Variants in MKRN1 observed in about 807,000 individuals in gnomAD.
MKRN1 encodes the protein E3 ubiquitin-protein ligase makorin-1.
In MKRN1, 9 loss-of-function variants were observed where a neutral mutation model predicts 55.5. The observed-to-expected ratio is 0.16, with a 90% confidence interval of 0.10 to 0.28. MKRN1 has a LOEUF of 0.28. MKRN1 is among the 10% of genes least tolerant of loss of function. The probability of loss-of-function intolerance (pLI) is 1.00; values close to 1 mark genes in which losing one functional copy is unlikely to be tolerated. For synonymous variants in MKRN1, 253 were observed against 235.9 expected, an observed-to-expected ratio of 1.07 and a Z score of -0.66; for missense variants, 488 against 626.7, an observed-to-expected ratio of 0.78 and a Z score of 2.36.
chr7:140,456,243 G>T, intron 5 of MKRN1: 1 of 1,146,592 alleles, frequency 8.7e-7, no homozygotes, highest in Non-Finnish European at 1.1e-6. Flanking sequence ...TAGATTATGT[G>T]GTTTTTGTTC....
rs1367179943 is a variant in MKRN1 at position 140,456,735 on chromosome 7, G to A, written c.903C>T (p.Ile301=). ...KANPSERRFG[I]LSNCNHTYCL... ...AGTAGGTGTGGTTGCAGTTGGAGAGGATCCCGAAGCGGCGCTCACTGGGGT... is the reference window on the plus strand; with the variant it reads ...AGTAGGTGTGGTTGCAGTTGGAGAGAATCCCGAAGCGGCGCTCACTGGGGT... Residue 301 remains isoleucine, a synonymous_variant, in exon 5 of 8, where the codon ATC becomes ATT. Coordinates refer to ENST00000255977, the MANE Select transcript of MKRN1 (RefSeq NM_013446.4). 6.2e-7 allele frequency: 1 copy of A among 1,613,968 alleles called. No homozygotes were observed. The highest frequency in any genetic ancestry group is 8.5e-7 in the Non-Finnish European group (1 of 1,179,992).
chr7:140,474,333 TAAA>T (rs1293849055), intron 1 of MKRN1: 3 of 209,584 alleles, frequency 1.4e-5, no homozygotes, highest in African/African-American at 7.6e-5. Context: ...CTGTTTCTAC[TAAA>T]AATACAAAAA....
In MKRN1 at chr7:140,479,251, G is replaced by T. The variant is rs773972832; in HGVS notation, c.94C>A (p.Pro32Thr). ...CCCAGGGACGGGGCGGTGACTGTGG[G>T]GATCGGGGTGGGGGAGGCTGCTGCC... is the stretch of plus-strand genomic sequence containing the variant. The part of the protein sequence containing the change: ...TAAAASPTPI[P>T]TVTAPSLGAG... The change falls in exon 1 of 8, where the codon CCC becomes ACC. Residue 32 changes from proline to threonine, a missense_variant. By Grantham distance (38) the Pro-to-Thr change is conservative (BLOSUM62 -1). This residue lies in a region of MKRN1 where 210 missense variants were observed against 220.0 expected (regional missense o/e 0.95). Transcript: ENST00000255977. 3.9e-4 allele frequency: 555 copies of T among 1,421,090 alleles called. No homozygotes were observed. The highest frequency in any genetic ancestry group is 5.0e-4 in the Non-Finnish European group (543 of 1,090,052). The allele number at this position is 1,421,090 out of a possible 1,614,324, so 88.0% of individuals were successfully genotyped here.
At chr7:140,454,762 C>T (rs750365577) in intron 7 of MKRN1, 33 bp from the exon 8 acceptor site, 30 of 1,592,626 alleles carry the variant, frequency 1.9e-5, no homozygotes, top group African/African-American at 1.1e-4. Context: ...AGGGATGGCA[C>T]TGTCGAGCAG....
At chr7:140,467,969 T>A (rs1585484034) in intron 2 of MKRN1, among the ~76,000 whole-genome samples, 1 of 128,748 alleles carries the variant, frequency 7.8e-6, no homozygotes, top group Non-Finnish European at 1.5e-5. Context: ...GCCATTGCAC[T>A]CCAGCCTGGG....
At chr7:140,471,000 C>T (rs778113540) in intron 2 of MKRN1, among the ~76,000 whole-genome samples, 12 of 152,124 alleles carry the variant, frequency 7.9e-5, no homozygotes, top group Non-Finnish European at 1.5e-4. Context: ...TCATAAGTGT[C>T]TCTGAGATAG....
At chr7:140,455,543 C>T in intron 6 of MKRN1, 1 of 559,194 alleles carries the variant, frequency 1.8e-6, no homozygotes, top group Admixed American at 3.0e-5. Flanking sequence ...AGGTAGAACC[C>T]CACTCATGGG....
At chr7:140,469,310 C>T (rs1238387524) in intron 2 of MKRN1, among the ~76,000 whole-genome samples, 2 of 149,616 alleles carry the variant, frequency 1.3e-5, no homozygotes, top group Non-Finnish European at 3.0e-5. Flanking sequence ...TGGGTGACAG[C>T]GAGACTCCAT....
In MKRN1 at chr7:140,454,385, G is replaced by A. The variant is rs1428427629; in HGVS notation, c.*132C>T. The A allele has an allele frequency of 2.5e-6, 2 of 786,304 alleles. No individual in the cohort carries two copies. Among genetic ancestry groups the A allele is most frequent in the East Asian group, 2.7e-5 (1 of 37,150 alleles). 48.7% of individuals were successfully genotyped at this position (786,304 alleles called of 1,614,324 possible). On this transcript the variant is annotated 3_prime_UTR_variant, in exon 8 of 8. Coordinates refer to ENST00000255977, the MANE Select transcript of MKRN1 (RefSeq NM_013446.4). ...GTGAGGGGTTGAGAAGACAGGCCCT[G>A]GGTAAAAATTCTTAGGACAGCACCT...
intron 1 of MKRN1, chr7:140,474,493 A>G (rs75759485): frequency 6.3e-6 from 1 of 159,606 alleles, no homozygotes; most frequent in Non-Finnish European, 1.1e-5. Context: ...ACTCCGTCTC[A>G]AAAAAAAAAT....
chr7:140,464,060 G>C (rs1417799885), intron 2 of MKRN1, among the ~76,000 whole-genome samples: 3 of 151,998 alleles, frequency 2.0e-5, no homozygotes, highest in Admixed American at 6.5e-5. Flanking sequence ...TGGGATTGCA[G>C]ATGCGGCACC....
chr7:140,460,064 TGTG>T, intron 2 of MKRN1, 128 bp from the exon 3 acceptor site: 1 of 809,084 alleles, frequency 1.2e-6, no homozygotes, highest in East Asian at 2.7e-5. Flanking sequence ...GCCTGGCCAA[TGTG>T]GTGAAAACCC....
In MKRN1 at chr7:140,456,682, C is replaced by T; in HGVS notation, c.956G>A (p.Ser319Asn). ...YCLKCIRKWR[S>N]AKQFESKIIK... ...GATCTTGCTCTCAAATTGCTTAGCACTCCTCCACTTGCGAATGCACTTGAG... is the reference window on the plus strand; with the variant it reads ...GATCTTGCTCTCAAATTGCTTAGCATTCCTCCACTTGCGAATGCACTTGAG... The change falls in exon 5 of 8, where the codon AGT (serine) becomes AAT (asparagine). Residue 319 changes from serine (S) to asparagine (N), a missense_variant. Transcript: ENST00000255977. 6.2e-7 allele frequency: 1 copy of T among 1,614,192 alleles called. No homozygotes were observed. Among genetic ancestry groups the T allele is most frequent in the Non-Finnish European group, 8.5e-7 (1 of 1,180,032 alleles).
intron 1 of MKRN1, among the ~76,000 whole-genome samples, chr7:140,474,838 C>A (rs1458429927): frequency 6.6e-6 from 1 of 151,786 alleles, no homozygotes; most frequent in Non-Finnish European, 1.5e-5. Flanking sequence ...CCCACCTCAG[C>A]CTCCAGAGTG....
chr7:140,459,214 T>A lies in MKRN1; in HGVS notation c.564A>T (p.Glu188Asp). ...YCGRTAPSCT[E>D]APLQGSVTKE... ...TGGTCACTGAGCCCTGCAGGGGTGCTTCAGTGCAGGAAGGCGCAGCTGAAA... is the reference window on the plus strand; with the variant it reads ...TGGTCACTGAGCCCTGCAGGGGTGCATCAGTGCAGGAAGGCGCAGCTGAAA... The change falls in exon 4 of 8, where the codon GAA becomes GAT. Residue 188 changes from glutamate (E) to aspartate (D), a missense_variant. This residue lies in a region of MKRN1 where 278 missense variants were observed against 406.7 expected (regional missense o/e 0.68). Coordinates refer to ENST00000255977, the MANE Select transcript of MKRN1 (RefSeq NM_013446.4). 6.2e-7 allele frequency: 1 copy of A among 1,613,930 alleles called. No individual in the cohort carries two copies. The highest frequency in any genetic ancestry group is 8.5e-7 in the Non-Finnish European group (1 of 1,179,854).
intron 2 of MKRN1, among the ~76,000 whole-genome samples, chr7:140,464,589 C>T (rs2130296579): frequency 6.6e-6 from 1 of 152,108 alleles, no homozygotes; most frequent in South Asian, 2.1e-4. Flanking sequence ...CCTGTAATCT[C>T]AGCTACTCGG....
At chr7:140,455,755 G>A in intron 6 of MKRN1, 35 bp downstream of exon 6, 2 of 1,505,896 alleles carry the variant, frequency 1.3e-6, no homozygotes, top group African/African-American at 2.8e-5. Context: ...GCTCTGTTGG[G>A]CTCTTCGCTT....
intron 1 of MKRN1, among the ~76,000 whole-genome samples, chr7:140,477,623 A>G (rs557288780): frequency 6.6e-6 from 1 of 151,648 alleles, no homozygotes; most frequent in Non-Finnish European, 1.5e-5. Flanking sequence ...TGCCCGGCCT[A>G]ATTTTTGTAT....
At chr7:140,470,624 AAAC>A (rs1032656003) in intron 2 of MKRN1, among the ~76,000 whole-genome samples, 5 of 150,654 alleles carry the variant, frequency 3.3e-5, no homozygotes, top group Non-Finnish European at 7.4e-5. Context: ...AACAAACAAA[AAAC>A]AATGCTGGCT....
Sources: gnomAD v4.1 joint callset for allele counts (sites outside exome capture counted in the v4.1 genomes callset) on GRCh38, gnomAD v4.1.1 for gene constraint, gnomAD v4.1.1 regional missense constraint, MANE v1.5 for transcripts, NCBI Gene and HGNC (gene_info 2026-07-23, HGNC 2026-07-21) for gene names.